Variants in MACF1 observed in about 807,000 individuals in gnomAD.
MACF1 encodes the protein microtubule-actin cross-linking factor 1.
In MACF1, 193 loss-of-function variants were observed where a neutral mutation model predicts 854.8. The ratio of observed to expected loss-of-function variants is 0.23; its 90% confidence interval spans 0.20 to 0.25. The LOEUF (loss-of-function observed/expected upper bound fraction) is 0.25. Ranked by LOEUF, MACF1 falls within the 10% of genes least tolerant of loss-of-function variation. The pLI is 1.00. For synonymous variants in MACF1, 3,185 were observed against 3,226.7 expected (o/e 0.99, Z 0.44); for missense variants, 7,722 against 8,929.1 (o/e 0.86, Z 5.45).
chr1:39,180,473 G>A lies in MACF1; in HGVS notation c.221-50709G>A, dbSNP rs997514032. Among the ~76,000 whole-genome samples, 6 of 151,962 alleles carry A rather than the reference G, an allele frequency of 3.9e-5. No individual in the cohort carries two copies. In the South Asian group the frequency reaches 1.2e-3, roughly 32 times the overall value. ...TCTACTAAAAATACAAAAATTAGCA[G>A]GGCGTGGTGGCTCATGCCTGTAATT... On this transcript the variant is annotated intron_variant, in intron 2 of 93. Coordinates refer to the MACF1 transcript ENST00000361689.
chr1:39,224,139 C>G (rs1226727309), intron 1 of MACF1, among the ~76,000 whole-genome samples: 1 of 152,118 alleles, frequency 6.6e-6, no homozygotes, highest in African/African-American at 2.4e-5. Context: ...ATGTAAAGAA[C>G]AGCTATTTTT....
chr1:39,403,551 A>G (rs1346913622), intron 58 of MACF1, among the ~76,000 whole-genome samples: 1 of 152,134 alleles, frequency 6.6e-6, no homozygotes, highest in East Asian at 1.9e-4. Context: ...GTTTTATAAT[A>G]AGTACTACTA....
At chr1:39,398,431 G>A (rs1243640955) in intron 58 of MACF1, among the ~76,000 whole-genome samples, 1 of 151,954 alleles carries the variant, frequency 6.6e-6, no homozygotes, top group Non-Finnish European at 1.5e-5. Flanking sequence ...GAGCCACAGT[G>A]CCTGGCCCAG....
At position 39,448,056 on chromosome 1, in the gene MACF1, G is replaced by A; in HGVS notation, c.19992G>A (p.Leu6664=). The A allele has an allele frequency of 1.9e-6, 3 of 1,614,084 alleles. No homozygotes were observed. The highest frequency in any genetic ancestry group is 2.5e-6 in the Non-Finnish European group (3 of 1,179,996). The change falls in exon 83 of 101, where the codon CTG becomes CTA. Residue 6664 remains leucine (L), a synonymous_variant. Coordinates refer to ENST00000564288, the MANE Select transcript of MACF1 (RefSeq NM_001394062.1). ...AKQFHEAWKK[L]IDWLEDAESH... is the part of the protein sequence containing the mutation. ...AGTTCCATGAAGCTTGGAAAAAACT[G>A]ATTGACTGGCTAGAAGATGCAGAGA...
chr1:39,385,676 G>T lies in MACF1; in HGVS notation c.14091G>T (p.Glu4697Asp). Residue 4697 changes from glutamate (E) to aspartate (D), a missense_variant, in exon 57 of 101, where the codon GAG becomes GAT. Physicochemically the swap from Glu to Asp is conservative, Grantham distance 45. Coordinates refer to ENST00000564288, the MANE Select transcript of MACF1 (RefSeq NM_001394062.1). ...QYQELLQDLS[E>D]KVRAVGQRLS... The stretch of plus-strand genomic sequence containing the variant: ...AGGAACTGCTCCAGGACTTATCAGA[G>T]AAGGTGAGGGCAGTTGGACAACGGC... The T allele has an allele frequency of 6.2e-7, 1 of 1,614,200 alleles. No individual in the cohort carries two copies. The highest frequency in any genetic ancestry group is 8.5e-7 in the Non-Finnish European group (1 of 1,180,042).
intron 55 of MACF1, among the ~76,000 whole-genome samples, chr1:39,380,744 A>G (rs1270239007): frequency 1.3e-5 from 2 of 152,074 alleles, no homozygotes; most frequent in African/African-American, 4.8e-5. Context: ...TGTCTCTACA[A>G]AAAGCAAGGA....
At chr1:39,346,438 G>T (rs1647049419) in intron 40 of MACF1, among the ~76,000 whole-genome samples, 1 of 151,968 alleles carries the variant, frequency 6.6e-6, no homozygotes, top group Non-Finnish European at 1.5e-5. Flanking sequence ...GCTGCTTACT[G>T]TATTTGGAAA....
At chr1:39,102,237 GAA>G (rs1642109272) in intron 2 of MACF1, among the ~76,000 whole-genome samples, 1 of 151,974 alleles carries the variant, frequency 6.6e-6, no homozygotes, top group Non-Finnish European at 1.5e-5. Context: ...GAAAAGAAAA[GAA>G]AGACGAAATA....
chr1:39,169,790 T>G (rs1217049604), intron 2 of MACF1, among the ~76,000 whole-genome samples: 2 of 107,194 alleles, frequency 1.9e-5, no homozygotes, highest in Non-Finnish European at 3.8e-5. Context: ...TTTTTTTTTT[T>G]GAGACTGGAG....
intron 58 of MACF1, chr1:39,410,901 A>T (rs74607331): frequency 6.2e-7 from 1 of 1,614,006 alleles, no homozygotes; most frequent in Admixed American, 1.7e-5. Context: ...TTAAAAACTT[A>T]AGTGGAGACT....
At chr1:39,481,059 A>T in intron 99 of MACF1, 29 bp downstream of exon 99, 2 of 1,394,480 alleles carry the variant, frequency 1.4e-6, no homozygotes, top group Non-Finnish European at 2.0e-6. Flanking sequence ...GACTGAGGAC[A>T]CAGTCAAGAC....
intron 2 of MACF1, among the ~76,000 whole-genome samples, chr1:39,234,656 C>A (rs1301584065): frequency 8.3e-6 from 1 of 120,374 alleles, no homozygotes; most frequent in African/African-American, 3.1e-5. Context: ...GACCCCCCCA[C>A]CTCCCTCCCA....
At chr1:39,166,954 G>A (rs1355262277) in intron 2 of MACF1, among the ~76,000 whole-genome samples, 2 of 151,950 alleles carry the variant, frequency 1.3e-5, no homozygotes. Context: ...GAGAAGTAAA[G>A]AGCAGGGATG....
chr1:39,146,632 G>A (rs1643471018), intron 2 of MACF1, among the ~76,000 whole-genome samples: 1 of 151,802 alleles, frequency 6.6e-6, no homozygotes, highest in Admixed American at 6.6e-5. Context: ...CTTATTTGTG[G>A]GAACTAAAAA....
At chr1:39,147,308 C>G (rs1170958233) in intron 2 of MACF1, among the ~76,000 whole-genome samples, 1 of 146,842 alleles carries the variant, frequency 6.8e-6, no homozygotes, top group Non-Finnish European at 1.5e-5. Flanking sequence ...CCTTTTCTTC[C>G]TCTTTTTTCC....
At position 39,430,916 on chromosome 1, in the gene MACF1, T is replaced by A; in HGVS notation, c.17337+8T>A. The A allele has an allele frequency of 6.2e-7, 1 of 1,601,978 alleles. No homozygotes were observed. The highest frequency in any genetic ancestry group is 8.5e-7 in the Non-Finnish European group (1 of 1,170,606). On this transcript the variant is annotated splice_region_variant and intron_variant, in intron 66 of 100. Transcript: ENST00000564288. ...ATTCAGAGATCACAACAGGTAATGC[T>A]TATAATACCTCTGCATTAATATTTT... is the stretch of plus-strand genomic sequence containing the variant.
At chr1:39,482,808 AAAAAAAAC>A (rs1193887025) in intron 99 of MACF1, among the ~76,000 whole-genome samples, 17 of 148,304 alleles carry the variant, frequency 1.1e-4, no homozygotes, top group Admixed American at 5.4e-4. Context: ...AAAAAAAAAA[AAAAAAAAC>A]CCCACACAGA....
intron 1 of MACF1, among the ~76,000 whole-genome samples, chr1:39,212,795 G>T (rs997384391): frequency 2.0e-5 from 3 of 152,064 alleles, no homozygotes; most frequent in Admixed American, 6.5e-5. Flanking sequence ...GCTAATTTTT[G>T]TATTTTTTTA....
chr1:39,231,369 ACTTTT>A, intron 2 of MACF1, 126 bp downstream of exon 2: 3 of 842,838 alleles, frequency 3.6e-6, no homozygotes, highest in South Asian at 1.6e-5. Context: ...TACACATGTG[ACTTTT>A]CTTTTCTCTT....
Sources: allele counts gnomAD v4.1 joint callset (sites outside exome capture counted in the v4.1 genomes callset), GRCh38; gene constraint gnomAD v4.1.1; transcripts MANE v1.5; gene names NCBI Gene and HGNC (gene_info 2026-07-23, HGNC 2026-07-21).